NRXN2: variants seen among roughly 807,000 people sequenced by gnomAD.
The protein encoded by NRXN2 is neurexin 2, also known as neurexin-2-beta.
NRXN2 carries 29 observed loss-of-function variants against 128.8 expected under a neutral mutation model. The observed-to-expected ratio is 0.23, with a 90% CI of 0.17 to 0.31. NRXN2 has a LOEUF of 0.31. Ranked by LOEUF, NRXN2 falls within the 10% of genes least tolerant of loss-of-function variation. The pLI is 1.00. For missense variants in NRXN2, 1,881 were observed against 2,452.6 expected (o/e 0.77, Z 4.92); for synonymous variants, 1,098 against 1,075.2 (o/e 1.02, Z -0.41).
intron 9 of NRXN2, among the ~76,000 whole-genome samples, chr11:64,662,269 AGAGAAGAAGG>A (rs879706624): frequency 2.0e-5 from 3 of 151,606 alleles, no homozygotes; most frequent in Non-Finnish European, 4.4e-5. Flanking sequence ...AAAAAGAAGA[AGAGAAGAAGG>A]GAGAAGAAGG....
Position 64,650,543 on chromosome 11 carries a change from A to T in NRXN2, c.3014T>A (p.Val1005Glu). ...CACGTTGCCTGGGTCCCTGGACACC[A>T]CCACGTTGTGCCACTGGTTGTCATT... The part of the protein sequence containing the change: ...PVNDNQWHNV[V>E]VSRDPGNVHT... The change falls in exon 15 of 23, where the codon GTG (valine) becomes GAG (glutamate). Residue 1005 changes from valine (V) to glutamate (E), a missense_variant. By Grantham distance (121) the Val-to-Glu change is moderately radical (BLOSUM62 -2). This residue lies in a region of NRXN2 where 390 missense variants were observed against 599.6 expected (regional missense o/e 0.65). Coordinates refer to ENST00000265459, the MANE Select transcript of NRXN2 (RefSeq NM_015080.4). 6.2e-7 allele frequency: 1 copy of T among 1,614,174 alleles called. No homozygotes were observed. The highest frequency in any genetic ancestry group is 1.1e-5 in the South Asian group (1 of 91,084).
In NRXN2 at chr11:64,667,131, G is replaced by T; in HGVS notation, c.1798+119C>A. ...GACGTGAGGGGGGTGGAGGAGAAGC[G>T]GCAGGGAAGAATATAGGAAATGGTG... On this transcript the variant is annotated intron_variant, in intron 9 of 22. Transcript: ENST00000265459. The surrounding 1 kb of genome is among the most constrained non-coding windows in gnomAD (Gnocchi z 5.6). The T allele has an allele frequency of 2.0e-6, 2 of 1,020,118 alleles. No individual in the cohort carries two copies. The highest frequency in any genetic ancestry group is 3.0e-6 in the Non-Finnish European group (2 of 673,306). 63.2% of individuals were successfully genotyped at this position (1,020,118 alleles called of 1,614,324 possible).
Position 64,667,683 on chromosome 11 carries a change from G to A in NRXN2, c.1365C>T (p.Val455=), listed in dbSNP as rs2050070998. Residue 455 remains valine (V), a synonymous_variant, in exon 9 of 23, where the codon GTC becomes GTT. Coordinates refer to ENST00000265459, the MANE Select transcript of NRXN2 (RefSeq NM_015080.4). This position sits in a 1 kb window ranked among gnomAD's most constrained non-coding sequence, Gnocchi z 5.6. The part of the protein sequence containing the change: ...NNFMGCLKDV[V]YKNNDFKLEL... ...CCAATTTGAAGTCATTGTTCTTATA[G>A]ACCACCTGCAGGGAGGGGTGGGGTC... The A allele has an allele frequency of 1.2e-6, 2 of 1,613,838 alleles. No individual in the cohort carries two copies. Among genetic ancestry groups the A allele is most frequent in the Non-Finnish European group, 1.7e-6 (2 of 1,180,024 alleles).
chr11:64,712,527 C>G (rs1345244259), intron 2 of NRXN2, among the ~76,000 whole-genome samples: 1 of 152,058 alleles, frequency 6.6e-6, no homozygotes, highest in Non-Finnish European at 1.5e-5. Flanking sequence ...AGGCCCCGCC[C>G]TATGCACAAG....
At chr11:64,610,212 C>A (rs1316851909) in intron 22 of NRXN2, among the ~76,000 whole-genome samples, 1 of 152,150 alleles carries the variant, frequency 6.6e-6, no homozygotes, top group African/African-American at 2.4e-5. Context: ...GGCTCACCTA[C>A]ACCCTAGATT....
chr11:64,690,493 G>C lies in NRXN2; in HGVS notation c.779-17C>G. ...AGGACCCTACTGGAGAAGCAGAATT[G>C]GGGAGTCAGGCACAGGGGGTACCGA... On this transcript the variant is annotated splice_polypyrimidine_tract_variant and intron_variant, in intron 4 of 22. Coordinates refer to ENST00000265459, the MANE Select transcript of NRXN2 (RefSeq NM_015080.4). The C allele has an allele frequency of 6.2e-7, 1 of 1,609,656 alleles. No homozygotes were observed. Among genetic ancestry groups the C allele is most frequent in the Non-Finnish European group, 8.5e-7 (1 of 1,177,710 alleles).
At chr11:64,702,490 G>T (rs371335387) in intron 2 of NRXN2, among the ~76,000 whole-genome samples, 4 of 151,658 alleles carry the variant, frequency 2.6e-5, no homozygotes, top group African/African-American at 7.3e-5. Flanking sequence ...CCTGTTGATC[G>T]GTGACCTTAC....
chr11:64,702,465 C>A (rs2055616876), intron 2 of NRXN2, among the ~76,000 whole-genome samples: 1 of 151,732 alleles, frequency 6.6e-6, no homozygotes, highest in African/African-American at 2.4e-5. Flanking sequence ...AAGAAAAATT[C>A]TTCTGCCTTG....
At chr11:64,642,884 C>T in intron 17 of NRXN2, 1 of 1,033,024 alleles carries the variant, frequency 9.7e-7, no homozygotes, top group Non-Finnish European at 1.2e-6. Flanking sequence ...AAGCCCCCCT[C>T]CGGCTCCGAG....
In NRXN2 at chr11:64,660,742, A is replaced by G; in HGVS notation, c.2185+11T>C. Reference sequence around the variant, plus strand: ...GGGAGCAGGGACACCTAGGATGAAGACCAGCCTCACCTCTCTCACAGACCC... The same window carrying G: ...GGGAGCAGGGACACCTAGGATGAAGGCCAGCCTCACCTCTCTCACAGACCC... On this transcript the variant is annotated intron_variant, in intron 10 of 22. Coordinates refer to ENST00000265459, the MANE Select transcript of NRXN2 (RefSeq NM_015080.4). This position sits in a 1 kb window ranked among gnomAD's most constrained non-coding sequence, Gnocchi z 5.2. The G allele has an allele frequency of 6.2e-7, 1 of 1,609,170 alleles. No homozygotes were observed. The highest frequency in any genetic ancestry group is 8.5e-7 in the Non-Finnish European group (1 of 1,179,976).
At chr11:64,718,158 C>A (rs1478152766) in intron 1 of NRXN2, among the ~76,000 whole-genome samples, 1 of 152,198 alleles carries the variant, frequency 6.6e-6, no homozygotes, top group Non-Finnish European at 1.5e-5. Context: ...GCCCTCCAAC[C>A]TGACCAAAGG....
intron 17 of NRXN2, chr11:64,642,906 G>C: frequency 9.7e-7 from 1 of 1,030,296 alleles, no homozygotes; most frequent in Non-Finnish European, 1.2e-6. Flanking sequence ...TCCGGGAGCG[G>C]GGTAGGGATG....
At chr11:64,643,851 G>A (rs965951261) in intron 17 of NRXN2, among the ~76,000 whole-genome samples, 5 of 152,132 alleles carry the variant, frequency 3.3e-5, no homozygotes, top group Middle Eastern at 3.4e-3. Flanking sequence ...GCTAGCAAGA[G>A]AGGCCACTTT....
chr11:64,611,900 C>G (rs1253012244), intron 22 of NRXN2, among the ~76,000 whole-genome samples: 1 of 151,034 alleles, frequency 6.6e-6, no homozygotes, highest in Non-Finnish European at 1.5e-5. Context: ...CTCACCCACA[C>G]CCCCCCACAC....
At position 64,630,343 on chromosome 11, in the gene NRXN2, T is replaced by G; in HGVS notation, c.3757+59A>C. On this transcript the variant is annotated intron_variant, in intron 19 of 22. Transcript: ENST00000265459. This position sits in a 1 kb window ranked among gnomAD's most constrained non-coding sequence, Gnocchi z 4.6. The stretch of plus-strand genomic sequence containing the variant: ...CCCCGCCCCGGTGCGGCCGCACTCC[T>G]ATCAGAGGCCGCCACCCGCCCCGCC... 2.4e-6 allele frequency: 3 copies of G among 1,230,730 alleles called. No homozygotes were observed. Among genetic ancestry groups the G allele is most frequent in the Middle Eastern group, 3.2e-4 (1 of 3,106 alleles). The allele number at this position is 1,230,730 out of a possible 1,614,324, so 76.2% of individuals were successfully genotyped here.
At position 64,631,775 on chromosome 11, in the gene NRXN2, A is replaced by G. The variant is rs2043946316; in HGVS notation, c.3586-1202T>C. On this transcript the variant is annotated intron_variant, in intron 18 of 22. Coordinates refer to ENST00000265459, the MANE Select transcript of NRXN2 (RefSeq NM_015080.4). This position sits in a 1 kb window ranked among gnomAD's most constrained non-coding sequence, Gnocchi z 4.8. The stretch of plus-strand genomic sequence containing the variant: ...ATGATCCAAGAGGCTGCTGAGGCCT[A>G]CCTTCAACACCAAAGGCATCTAACC... Among the ~76,000 whole-genome samples the G allele has an allele frequency of 6.6e-6, 1 of 152,132 alleles. No homozygotes were observed. Among genetic ancestry groups the G allele is most frequent in the Non-Finnish European group, 1.5e-5 (1 of 68,030 alleles).
intron 19 of NRXN2, among the ~76,000 whole-genome samples, chr11:64,626,829 G>A (rs1810912046): frequency 6.6e-6 from 1 of 152,206 alleles, no homozygotes; most frequent in Non-Finnish European, 1.5e-5. Flanking sequence ...GGAGCTGGAA[G>A]GTCAAAGGTC....
At chr11:64,658,173 G>A (rs506035) in intron 11 of NRXN2, among the ~76,000 whole-genome samples, 49,222 of 151,966 alleles carry the variant, frequency 0.32, 10,193 homozygotes, top group African/African-American at 0.58. Flanking sequence ...CTTCCCTGCA[G>A]ATCCAAGGCC....
Position 64,668,485 on chromosome 11 carries a change from C to T in NRXN2, c.1317G>A (p.Pro439=), listed in dbSNP as rs550445239. 374 of 1,614,050 alleles carry T rather than the reference C, an allele frequency of 2.3e-4. No homozygotes were observed. The highest frequency in any genetic ancestry group is 8.3e-4 in the Middle Eastern group (5 of 6,060). Residue 439 remains proline (P), a synonymous_variant, in exon 8 of 23, where the codon CCG becomes CCA. Coordinates refer to ENST00000265459, the MANE Select transcript of NRXN2 (RefSeq NM_015080.4). ...IGGSPNTADL[P]GSPVSNNFMG... is the part of the protein sequence containing the mutation. ...TGAAGTTGTTGCTGACGGGCGAGCC[C>T]GGCAGGTCAGCTGTGTTGGGGCTGC...
Sources: gnomAD v4.1 joint callset for allele counts (sites outside exome capture counted in the v4.1 genomes callset) on GRCh38, gnomAD v4.1.1 for gene constraint, gnomAD v4.1.1 regional missense constraint, Gnocchi (gnomAD v3.1) non-coding constraint, MANE v1.5 for transcripts, NCBI Gene and HGNC (gene_info 2026-07-23, HGNC 2026-07-21) for gene names.